MPPED2: variants seen among roughly 807,000 people sequenced by gnomAD.
MPPED2 encodes metallophosphoesterase MPPED2.
MPPED2 carries 5 observed loss-of-function variants against 33.0 expected under a neutral mutation model. The observed-to-expected ratio is 0.15, with a 90% CI of 0.08 to 0.32. The LOEUF (loss-of-function observed/expected upper bound fraction) is 0.32. Among genes scored for constraint, MPPED2 ranks in the 10% least tolerant of loss-of-function variants. MPPED2 has a pLI of 1.00. For missense variants in MPPED2, 275 were observed against 372.1 expected (o/e 0.74, Z 2.15); for synonymous variants, 136 against 141.9 (o/e 0.96, Z 0.29).
chr11:30,447,116 C>G (rs1396316792), intron 4 of MPPED2, among the ~76,000 whole-genome samples: 2 of 152,172 alleles, frequency 1.3e-5, no homozygotes, highest in East Asian at 3.9e-4. Flanking sequence ...TTCAGGTAGA[C>G]AGGCGGCTGT....
At chr11:30,531,402 T>C (rs1470776565) in intron 3 of MPPED2, among the ~76,000 whole-genome samples, 1 of 152,158 alleles carries the variant, frequency 6.6e-6, no homozygotes, top group Admixed American at 6.5e-5. Flanking sequence ...AGGGGCTCTG[T>C]CACTCCCTCC....
chr11:30,439,545 G>C (rs1949473981), intron 4 of MPPED2, among the ~76,000 whole-genome samples: 1 of 152,082 alleles, frequency 6.6e-6, no homozygotes. Context: ...GTAATTTTCA[G>C]AAAAAGGCAA....
chr11:30,574,664 C>A (rs1956844742), intron 2 of MPPED2, among the ~76,000 whole-genome samples: 1 of 151,958 alleles, frequency 6.6e-6, no homozygotes, highest in Non-Finnish European at 1.5e-5. Flanking sequence ...AGGTGCTACC[C>A]AAGAAAGTGA....
intron 3 of MPPED2, chr11:30,504,699 T>G: frequency 9.2e-7 from 1 of 1,087,016 alleles, no homozygotes; most frequent in Non-Finnish European, 1.2e-6. Context: ...CTCCATTAAT[T>G]TTCACAAGTC....
rs116975793 is a variant in MPPED2, at chr11:30,454,612, G to A, written c.537-36979C>T. Among the ~76,000 whole-genome samples the A allele has an allele frequency of 2.7e-3, 407 of 152,114 alleles. 1 individual carries two copies. The highest frequency in any genetic ancestry group is 6.8e-3 in the Middle Eastern group (2 of 294). On this transcript the variant is annotated intron_variant, in intron 4 of 6. Transcript: ENST00000358117. ...ATTTGATCCCTGAAACATAAAAAGC[G>A]TTTGCAATAGAATGAAAATGACCCT...
chr11:30,448,979 C>T (rs1949934436), intron 4 of MPPED2, among the ~76,000 whole-genome samples: 1 of 152,174 alleles, frequency 6.6e-6, no homozygotes, highest in South Asian at 2.1e-4. Context: ...TAACCACATG[C>T]TGTATGTTTC....
chr11:30,425,333 G>A (rs1948786296), intron 4 of MPPED2, among the ~76,000 whole-genome samples: 2 of 152,072 alleles, frequency 1.3e-5, no homozygotes, highest in African/African-American at 4.8e-5. Flanking sequence ...GAAAGGAGGT[G>A]GTGTAAGCAG....
intron 4 of MPPED2, among the ~76,000 whole-genome samples, chr11:30,475,416 C>T (rs1951143110): frequency 6.6e-6 from 1 of 151,772 alleles, no homozygotes; most frequent in Admixed American, 6.6e-5. Flanking sequence ...TTTTTTTCAC[C>T]CCCAGTATAT....
At chr11:30,434,442 A>G (rs1949227273) in intron 4 of MPPED2, among the ~76,000 whole-genome samples, 1 of 152,132 alleles carries the variant, frequency 6.6e-6, no homozygotes, top group Non-Finnish European at 1.5e-5. Context: ...TTCTCAAACC[A>G]TGGTGTGTTT....
chr11:30,455,325 CCAAGGGGGCCCA>C (rs1172176798), intron 4 of MPPED2, among the ~76,000 whole-genome samples: 1 of 152,140 alleles, frequency 6.6e-6, no homozygotes, highest in Non-Finnish European at 1.5e-5. Context: ...ACCAACATCG[CCAAGGGGGCCCA>C]CAAGCTCTGC....
intron 3 of MPPED2, among the ~76,000 whole-genome samples, chr11:30,507,284 A>G (rs1188609597): frequency 1.3e-5 from 2 of 152,206 alleles, no homozygotes; most frequent in African/African-American, 4.8e-5. Flanking sequence ...ATTGCCATCA[A>G]ATAATATTTC....
chr11:30,459,428 A>C (rs1950429300), intron 4 of MPPED2, among the ~76,000 whole-genome samples: 2 of 147,786 alleles, frequency 1.4e-5, no homozygotes. Context: ...TAATAAGAAA[A>C]CCCACAAACA....
exon 7 of MPPED2, chr11:30,386,916 C>G (rs1259750364): frequency 2.5e-6 from 1 of 395,788 alleles, no homozygotes; most frequent in Non-Finnish European, 4.5e-6. Flanking sequence ...TTGGGCATTG[C>G]ACTTGCCTCA....
intron 2 of MPPED2, among the ~76,000 whole-genome samples, chr11:30,546,484 A>T (rs1331865640): frequency 1.3e-5 from 2 of 152,132 alleles, no homozygotes; most frequent in African/African-American, 4.8e-5. Context: ...CTTCCTTTCC[A>T]ACTCATCAAA....
intron 3 of MPPED2, among the ~76,000 whole-genome samples, chr11:30,500,701 G>A (rs1443321468): frequency 1.3e-5 from 2 of 152,160 alleles, no homozygotes; most frequent in Non-Finnish European, 2.9e-5. Context: ...CCATTTTTGA[G>A]TTTTGCTTTT....
intron 4 of MPPED2, among the ~76,000 whole-genome samples, chr11:30,424,561 C>A (rs1037681572): frequency 1.3e-5 from 2 of 152,152 alleles, no homozygotes; most frequent in Admixed American, 6.5e-5. Flanking sequence ...GACAGCTCAG[C>A]CCTCCCTTGA....
At chr11:30,574,650 A>G (rs566119722) in intron 2 of MPPED2, among the ~76,000 whole-genome samples, 4 of 152,322 alleles carry the variant, frequency 2.6e-5, no homozygotes, top group Admixed American at 1.3e-4. Flanking sequence ...TATAAAATAG[A>G]AGAAGGTGCT....
chr11:30,455,285 T>TG (rs1456233722), intron 4 of MPPED2, among the ~76,000 whole-genome samples: 2 of 152,200 alleles, frequency 1.3e-5, no homozygotes, highest in African/African-American at 4.8e-5. Flanking sequence ...CCATTCCTGC[T>TG]GAGGCACTGG....
intron 6 of MPPED2, among the ~76,000 whole-genome samples, chr11:30,403,085 A>T (rs1205205877): frequency 6.6e-6 from 1 of 152,158 alleles, no homozygotes; most frequent in Admixed American, 6.5e-5. Flanking sequence ...CTCTACTAAA[A>T]ATACAAAAAA....
Sources: allele counts gnomAD v4.1 joint callset (sites outside exome capture counted in the v4.1 genomes callset), GRCh38; gene constraint gnomAD v4.1.1; transcripts MANE v1.5; gene names NCBI Gene and HGNC (gene_info 2026-07-23, HGNC 2026-07-21).